Variants in CACNA1B observed in about 807,000 individuals in gnomAD.
CACNA1B encodes the protein calcium voltage-gated channel subunit alpha1 B.
CACNA1B carries 70 observed loss-of-function variants against 247.2 expected under a neutral mutation model. The observed-to-expected ratio is 0.28, with a 90% CI of 0.23 to 0.35. The LOEUF (loss-of-function observed/expected upper bound fraction) is 0.35. CACNA1B is among the 10% of genes least tolerant of loss of function. The pLI is 1.00. For synonymous variants in CACNA1B, 1,231 were observed against 1,294.4 expected (o/e 0.95, Z 1.05); for missense variants, 2,367 against 3,197.4 (o/e 0.74, Z 6.26).
chr9:137,982,914 A>G (rs1273055415), intron 12 of CACNA1B, among the ~76,000 whole-genome samples: 1 of 152,218 alleles, frequency 6.6e-6, no homozygotes, highest in Non-Finnish European at 1.5e-5. Flanking sequence ...TCTGTGGACA[A>G]CGTAGAGAAA....
chr9:137,993,968 A>G (rs1392048793), intron 15 of CACNA1B, among the ~76,000 whole-genome samples: 3 of 152,234 alleles, frequency 2.0e-5, no homozygotes, highest in Admixed American at 1.3e-4. Context: ...AGCTAACTGA[A>G]TCCAACAGCA....
At chr9:138,086,674 A>G (rs1960702567) in intron 36 of CACNA1B, among the ~76,000 whole-genome samples, 1 of 151,372 alleles carries the variant, frequency 6.6e-6, no homozygotes, top group African/African-American at 2.4e-5. Flanking sequence ...ATATTATTAG[A>G]TCCAAAAAGA....
Position 138,100,429 on chromosome 9 carries a change from G to A in CACNA1B, c.5223-2282G>A, listed in dbSNP as rs1961213655. On this transcript the variant is annotated intron_variant, in intron 37 of 46. Transcript: ENST00000371372. This position sits in a 1 kb window ranked among gnomAD's most constrained non-coding sequence, Gnocchi z 4.6. ...CTGGGGAGGGTGGGGGGTCTCACGTGTGTCCAGCCCCCCGTGGTGGTCCCT... is the reference window on the plus strand; with the variant it reads ...CTGGGGAGGGTGGGGGGTCTCACGTATGTCCAGCCCCCCGTGGTGGTCCCT... Among the ~76,000 whole-genome samples, 1 of 152,172 alleles carries A rather than the reference G, an allele frequency of 6.6e-6. No individual in the cohort carries two copies. The highest frequency in any genetic ancestry group is 1.9e-4 in the East Asian group (1 of 5,196).
At chr9:137,887,268 T>TG (rs1273821941) in intron 3 of CACNA1B, among the ~76,000 whole-genome samples, 2 of 142,770 alleles carry the variant, frequency 1.4e-5, no homozygotes, top group East Asian at 2.1e-4. Flanking sequence ...TTGCTGGGAA[T>TG]GGGAGGAGAG....
At chr9:138,024,567 A>G (rs1416507166) in intron 19 of CACNA1B, among the ~76,000 whole-genome samples, 1 of 152,144 alleles carries the variant, frequency 6.6e-6, no homozygotes, top group East Asian at 1.9e-4. Flanking sequence ...GCAGGTGGTT[A>G]TGGATTTAGT....
In CACNA1B at chr9:137,882,845, C is replaced by A. The variant is rs756422106; in HGVS notation, c.492C>A (p.Asn164Lys). 6.2e-7 allele frequency: 1 copy of A among 1,613,924 alleles called. No homozygotes were observed. Among genetic ancestry groups the A allele is most frequent in the Non-Finnish European group, 8.5e-7 (1 of 1,179,850 alleles). The change falls in exon 3 of 47, where the codon AAC (asparagine) becomes AAA (lysine). Residue 164 changes from asparagine (N) to lysine (K), a missense_variant. Asn to Lys is a moderately conservative substitution (Grantham distance 94, BLOSUM62 0). This residue lies in a region of CACNA1B where 130 missense variants were observed against 338.7 expected (regional missense o/e 0.38). Coordinates refer to ENST00000371372, the MANE Select transcript of CACNA1B (RefSeq NM_000718.4). The surrounding 1 kb of genome is among the most constrained non-coding windows in gnomAD (Gnocchi z 4.0). ...TCCACAAGGGCTCTTACCTGCGGAA[C>A]GGCTGGAACGTCATGGACTTCGTGG... ...FVFHKGSYLR[N>K]GWNVMDFVVV...
intron 6 of CACNA1B, among the ~76,000 whole-genome samples, chr9:137,933,866 C>T (rs149014119): frequency 4.7e-4 from 72 of 152,138 alleles, no homozygotes; most frequent in African/African-American, 1.7e-3. Context: ...TTCCTGTATA[C>T]ACAGGCTGTG....
rs1171237948 is a variant in CACNA1B, at chr9:138,045,887, C to T, written c.3414-1017C>T. Reference sequence around the variant, plus strand: ...GGGCAGCCGCTTAAGATGAATGGCCCTTGGGGGTTCGCAGGTGTGGGTGAG... The same window carrying T: ...GGGCAGCCGCTTAAGATGAATGGCCTTTGGGGGTTCGCAGGTGTGGGTGAG... On this transcript the variant is annotated intron_variant, in intron 21 of 46. Coordinates refer to ENST00000371372, the MANE Select transcript of CACNA1B (RefSeq NM_000718.4). Among the ~76,000 whole-genome samples, 5 of 152,108 alleles carry T rather than the reference C, an allele frequency of 3.3e-5. 1 individual carries two copies. In the South Asian group the frequency reaches 1.0e-3, roughly 32 times the overall value.
rs1251621021 is a variant in CACNA1B, at chr9:138,057,043, C to G, written c.3969-689C>G. On this transcript the variant is annotated intron_variant, in intron 26 of 46. Coordinates refer to ENST00000371372, the MANE Select transcript of CACNA1B (RefSeq NM_000718.4). This position sits in a 1 kb window ranked among gnomAD's most constrained non-coding sequence, Gnocchi z 4.0. ...CTCCACCTCCCGGGTTCACGCCATTCTCCTGCCTCAGCCTCCCGAGTAGCT... is the reference window on the plus strand; with the variant it reads ...CTCCACCTCCCGGGTTCACGCCATTGTCCTGCCTCAGCCTCCCGAGTAGCT... 6.7e-6 allele frequency among the ~76,000 whole-genome samples: 1 copy of G among 148,430 alleles called. No individual in the cohort carries two copies. Among genetic ancestry groups the G allele is most frequent in the Non-Finnish European group, 1.5e-5 (1 of 67,794 alleles).
intron 34 of CACNA1B, among the ~76,000 whole-genome samples, chr9:138,074,385 T>C (rs1960241162): frequency 6.6e-6 from 1 of 152,094 alleles, no homozygotes; most frequent in Admixed American, 6.5e-5. Flanking sequence ...GGATTATAGA[T>C]GTGTGCCACC....
chr9:138,107,178 C>T (rs1026379583), intron 39 of CACNA1B, among the ~76,000 whole-genome samples: 5 of 152,164 alleles, frequency 3.3e-5, no homozygotes, highest in African/African-American at 7.2e-5. Flanking sequence ...CCTTCCCTAT[C>T]TCAGTCAATG....
At chr9:138,078,629 C>T (rs557617736) in intron 36 of CACNA1B, among the ~76,000 whole-genome samples, 6 of 152,236 alleles carry the variant, frequency 3.9e-5, no homozygotes, top group African/African-American at 7.2e-5. Context: ...GGGCAGGCCC[C>T]AGAGGTGTGG....
intron 6 of CACNA1B, among the ~76,000 whole-genome samples, chr9:137,920,482 C>A (rs1205381972): frequency 3.3e-5 from 5 of 152,180 alleles, no homozygotes; most frequent in Non-Finnish European, 7.4e-5. Flanking sequence ...CAGGCATGAG[C>A]CACCACACCT....
intron 37 of CACNA1B, among the ~76,000 whole-genome samples, chr9:138,098,905 C>G (rs1235808098): frequency 2.0e-5 from 3 of 152,220 alleles, no homozygotes; most frequent in African/African-American, 7.2e-5. Context: ...ATGGCCAGGA[C>G]AGGCCGAGGG....
At chr9:137,927,671 CTGACATATTTG>C (rs895600636) in intron 6 of CACNA1B, among the ~76,000 whole-genome samples, 6 of 152,182 alleles carry the variant, frequency 3.9e-5, no homozygotes, top group Non-Finnish European at 8.8e-5. Context: ...ATGGCGAGAG[CTGACATATTTG>C]CCATGCTCCC....
At chr9:138,015,161 G>T (rs1958775107) in intron 18 of CACNA1B, among the ~76,000 whole-genome samples, 1 of 152,230 alleles carries the variant, frequency 6.6e-6, no homozygotes, top group East Asian at 1.9e-4. Context: ...CTCACACGTG[G>T]CAAGGGGCAG....
In CACNA1B at chr9:137,928,621, T is replaced by A. The variant is rs1424092211; in HGVS notation, c.966+11190T>A. Among the ~76,000 whole-genome samples the A allele has an allele frequency of 2.6e-5, 4 of 152,352 alleles. No individual in the cohort carries two copies. The East Asian group carries it at 7.7e-4, about 29-fold the overall frequency. Reference sequence around the variant, plus strand: ...TCTTTTTTTTAAATAACACTTTTGCTGCAATATAATCTGTGTACCATAAAA... The same window carrying A: ...TCTTTTTTTTAAATAACACTTTTGCAGCAATATAATCTGTGTACCATAAAA... On this transcript the variant is annotated intron_variant, in intron 6 of 46. Transcript: ENST00000371372.
Position 138,047,468 on chromosome 9 carries a change from G to A in CACNA1B, c.3603+10G>A. Reference sequence around the variant, plus strand: ...TGAGATGGTGATAAAGGTGAGATATGTGGCTGCCCTTGTGACCCCAGTGTT... The same window carrying A: ...TGAGATGGTGATAAAGGTGAGATATATGGCTGCCCTTGTGACCCCAGTGTT... On this transcript the variant is annotated intron_variant, in intron 23 of 46. Transcript: ENST00000371372. 6.2e-7 allele frequency: 1 copy of A among 1,601,874 alleles called. No individual in the cohort carries two copies. Among genetic ancestry groups the A allele is most frequent in the Non-Finnish European group, 8.6e-7 (1 of 1,168,760 alleles).
Position 138,049,214 on chromosome 9 carries a change from C to A in CACNA1B, c.3609C>A (p.Ile1203=). Residue 1203 remains isoleucine (I), a synonymous_variant, in exon 24 of 47, where the codon ATC becomes ATA. Coordinates refer to ENST00000371372, the MANE Select transcript of CACNA1B (RefSeq NM_000718.4). ...CGTGTGTTTCTCCCTCCTAGATGATCGACTTGGGACTGCTGCTTCACCCTG... is the reference window on the plus strand; with the variant it reads ...CGTGTGTTTCTCCCTCCTAGATGATAGACTTGGGACTGCTGCTTCACCCTG... ...VFTFEMVIKM[I]DLGLLLHPGA... is the part of the protein sequence containing the mutation. The A allele has an allele frequency of 6.2e-7, 1 of 1,604,834 alleles. No homozygotes were observed. The highest frequency in any genetic ancestry group is 2.2e-5 in the East Asian group (1 of 44,840).
Sources: allele counts gnomAD v4.1 joint callset (sites outside exome capture counted in the v4.1 genomes callset), GRCh38; gene constraint gnomAD v4.1.1; regional missense constraint gnomAD v4.1.1; non-coding constraint Gnocchi (gnomAD v3.1); transcripts MANE v1.5; gene names NCBI Gene and HGNC (gene_info 2026-07-23, HGNC 2026-07-21).